The following KCNQ5 variants were observed in gnomAD, a reference collection of about 807,000 sequenced individuals.
KCNQ5 encodes potassium voltage-gated channel subfamily KQT member 5.
Under a neutral mutation model 98.2 loss-of-function variants are expected in KCNQ5, and 30 were observed. The observed-to-expected ratio is 0.31, with a 90% CI of 0.23 to 0.41. The LOEUF is 0.41. Among genes scored for constraint, KCNQ5 ranks in the 10% least tolerant of loss-of-function variants. The probability of loss-of-function intolerance (pLI) is 1.00; values close to 1 mark genes in which losing one functional copy is unlikely to be tolerated. For synonymous variants in KCNQ5, 458 were observed against 449.4 expected, an observed-to-expected ratio of 1.02 and a Z score of -0.24; for missense variants, 835 against 1,182.5, an observed-to-expected ratio of 0.71 and a Z score of 4.31.
intron 10 of KCNQ5, among the ~76,000 whole-genome samples, chr6:73,163,672 CG>C (rs1367374732): frequency 6.6e-6 from 1 of 152,108 alleles, no homozygotes; most frequent in East Asian, 1.9e-4. Context: ...CGCTTGAACC[CG>C]GGGGGCGGAG....
At chr6:72,912,121 C>G (rs1779966055) in intron 1 of KCNQ5, among the ~76,000 whole-genome samples, 1 of 152,032 alleles carries the variant, frequency 6.6e-6, no homozygotes, top group Non-Finnish European at 1.5e-5. Flanking sequence ...GGAGTGTTTC[C>G]CTTAATCAAT....
At chr6:72,840,980 A>C (rs2150133174) in intron 1 of KCNQ5, among the ~76,000 whole-genome samples, 1 of 152,298 alleles carries the variant, frequency 6.6e-6, no homozygotes, top group Non-Finnish European at 1.5e-5. Context: ...TAAAGCACTA[A>C]AGTATCCAGA....
intron 2 of KCNQ5, among the ~76,000 whole-genome samples, chr6:73,009,900 A>C (rs1406665351): frequency 6.6e-6 from 1 of 152,172 alleles, no homozygotes; most frequent in Non-Finnish European, 1.5e-5. Flanking sequence ...CAACAACAAC[A>C]AAGAAGCCCA....
At chr6:73,180,614 C>T (rs1778374567) in intron 11 of KCNQ5, among the ~76,000 whole-genome samples, 1 of 152,206 alleles carries the variant, frequency 6.6e-6, no homozygotes, top group Non-Finnish European at 1.5e-5. Context: ...GCCACCATCA[C>T]CCCAATCCTG....
intron 1 of KCNQ5, among the ~76,000 whole-genome samples, chr6:72,718,259 C>G (rs1769752437): frequency 6.6e-6 from 1 of 152,012 alleles, no homozygotes; most frequent in Non-Finnish European, 1.5e-5. Flanking sequence ...CTAAGTTGAT[C>G]CTAAGAAGGT....
At chr6:72,953,503 T>C (rs1466684968) in intron 1 of KCNQ5, among the ~76,000 whole-genome samples, 2 of 152,230 alleles carry the variant, frequency 1.3e-5, no homozygotes, top group African/African-American at 4.8e-5. Flanking sequence ...CTTAAATTCC[T>C]TTTCAAATCC....
At chr6:73,107,720 A>G (rs765708764) in intron 6 of KCNQ5, among the ~76,000 whole-genome samples, 3 of 152,238 alleles carry the variant, frequency 2.0e-5, no homozygotes, top group Non-Finnish European at 2.9e-5. Flanking sequence ...AATGTTTCCA[A>G]TAAAGTAAGT....
rs2154471212 is a variant in KCNQ5 at position 72,622,266 on chromosome 6, C to A, written c.77C>A (p.Ala26Glu). 1.6e-6 allele frequency: 2 copies of A among 1,269,162 alleles called. No individual in the cohort carries two copies. The highest frequency in any genetic ancestry group is 3.1e-5 in the East Asian group (1 of 32,044). The allele number at this position is 1,269,162 out of a possible 1,614,324, so 78.6% of individuals were successfully genotyped here. Reference protein sequence around the residue: ...LWVKSGAAAAAAGGGRLGSGM... With the variant: ...LWVKSGAAAAEAGGGRLGSGM... The stretch of plus-strand genomic sequence containing the variant: ...GTGAAGAGCGGCGCAGCGGCGGCGG[C>A]GGCGGGCGGGGGGCGCTTGGGCAGC... Residue 26 changes from alanine (A) to glutamate (E), a missense_variant, in exon 1 of 14, where the codon GCG becomes GAG. Physicochemically the swap from Ala to Glu is moderately radical, Grantham distance 107. This residue lies in a region of KCNQ5 where 80 missense variants were observed against 72.3 expected (regional missense o/e 1.11). Coordinates refer to ENST00000370398, the MANE Select transcript of KCNQ5 (RefSeq NM_019842.4). The surrounding 1 kb of genome is among the most constrained non-coding windows in gnomAD (Gnocchi z 6.0).
intron 1 of KCNQ5, among the ~76,000 whole-genome samples, chr6:72,662,918 G>A (rs1029476660): frequency 2.6e-5 from 4 of 152,146 alleles, no homozygotes; most frequent in Non-Finnish European, 5.9e-5. Context: ...GCATATCAGT[G>A]AGTGTATGTT....
At chr6:73,180,886 G>A (rs770869704) in intron 11 of KCNQ5, among the ~76,000 whole-genome samples, 2 of 152,012 alleles carry the variant, frequency 1.3e-5, no homozygotes, top group Non-Finnish European at 2.9e-5. Context: ...CTGCTGGCTG[G>A]GTCCGTCCAT....
intron 1 of KCNQ5, among the ~76,000 whole-genome samples, chr6:73,001,917 C>T (rs901444363): frequency 4.6e-5 from 7 of 151,468 alleles, no homozygotes; most frequent in Admixed American, 1.3e-4. Flanking sequence ...GCCAGGAGTT[C>T]GAGACCAGCC....
At chr6:72,739,620 A>C (rs927696188) in intron 1 of KCNQ5, among the ~76,000 whole-genome samples, 3 of 152,206 alleles carry the variant, frequency 2.0e-5, no homozygotes, top group Admixed American at 6.5e-5. Context: ...CACTTTTTAC[A>C]AATACAACAT....
chr6:72,696,177 G>A (rs940936139), intron 1 of KCNQ5, among the ~76,000 whole-genome samples: 6 of 152,076 alleles, frequency 3.9e-5, no homozygotes, highest in East Asian at 1.9e-4. Flanking sequence ...AAGGTTGTTC[G>A]CAGCAATGGT....
At chr6:73,063,051 C>T (rs947775805) in intron 3 of KCNQ5, among the ~76,000 whole-genome samples, 1 of 152,138 alleles carries the variant, frequency 6.6e-6, no homozygotes, top group African/African-American at 2.4e-5. Context: ...TTGAATTATG[C>T]TTTCTTTATA....
intron 1 of KCNQ5, among the ~76,000 whole-genome samples, chr6:72,806,252 T>C (rs1774950941): frequency 1.3e-5 from 2 of 152,032 alleles, no homozygotes; most frequent in Admixed American, 6.6e-5. Context: ...TAGAAGACAA[T>C]AGAGGCATCA....
At chr6:73,183,842 T>C (rs1381829473) in intron 11 of KCNQ5, among the ~76,000 whole-genome samples, 2 of 152,190 alleles carry the variant, frequency 1.3e-5, no homozygotes, top group Admixed American at 6.5e-5. Flanking sequence ...GTATGATGGC[T>C]AAAACAGGAG....
At chr6:72,812,635 G>A (rs1775298549) in intron 1 of KCNQ5, among the ~76,000 whole-genome samples, 1 of 152,154 alleles carries the variant, frequency 6.6e-6, no homozygotes, top group South Asian at 2.1e-4. Context: ...GTCACTCCTG[G>A]CCAGAAATGG....
At chr6:72,688,767 C>T (rs1768073310) in intron 1 of KCNQ5, among the ~76,000 whole-genome samples, 1 of 152,056 alleles carries the variant, frequency 6.6e-6, no homozygotes, top group African/African-American at 2.4e-5. Context: ...TAATTATCCA[C>T]CTAACTTGTT....
intron 2 of KCNQ5, among the ~76,000 whole-genome samples, chr6:73,017,709 A>G (rs1030737034): frequency 6.6e-6 from 1 of 152,182 alleles, no homozygotes; most frequent in African/African-American, 2.4e-5. Context: ...AAAATGCAGA[A>G]CAGAAAAGAG....
Sources: gnomAD v4.1 joint callset for allele counts (sites outside exome capture counted in the v4.1 genomes callset) on GRCh38, gnomAD v4.1.1 for gene constraint, gnomAD v4.1.1 regional missense constraint, Gnocchi (gnomAD v3.1) non-coding constraint, MANE v1.5 for transcripts, NCBI Gene and HGNC (gene_info 2026-07-23, HGNC 2026-07-21) for gene names.